Variants in CCDC102B observed in about 807,000 individuals in gnomAD.
CCDC102B encodes the protein coiled-coil domain containing 102B.
In CCDC102B, 75 loss-of-function variants were observed where a neutral mutation model predicts 57.4. That is an observed-to-expected ratio of 1.31 (90% confidence interval 1.08 to 1.58). CCDC102B has a LOEUF of 1.58. CCDC102B is among the 40% of genes most tolerant of loss of function. CCDC102B has a pLI of 0.00. For missense variants in CCDC102B, 636 were observed against 582.6 expected, an observed-to-expected ratio of 1.09 and a Z score of -0.94; for synonymous variants, 206 against 201.9, an observed-to-expected ratio of 1.02 and a Z score of -0.17.
At chr18:68,861,561 A>C (rs2038759404) in intron 4 of CCDC102B, among the ~76,000 whole-genome samples, 1 of 152,232 alleles carries the variant, frequency 6.6e-6, no homozygotes, top group Non-Finnish European at 1.5e-5. Flanking sequence ...GTACTGAGAA[A>C]GAACCATTTG....
chr18:68,916,154 G>A (rs887544152), intron 6 of CCDC102B, among the ~76,000 whole-genome samples: 1 of 151,770 alleles, frequency 6.6e-6, no homozygotes, highest in East Asian at 2.0e-4. Flanking sequence ...AGAATAAATA[G>A]ATAGATAGAT....
chr18:68,727,656 T>C (rs1260494933), intron 2 of CCDC102B, among the ~76,000 whole-genome samples: 1 of 152,210 alleles, frequency 6.6e-6, no homozygotes, highest in Non-Finnish European at 1.5e-5. Context: ...ACCAGTTGCC[T>C]CAAGGATACA....
At chr18:68,824,113 C>T (rs1285324905) in intron 1 of CCDC102B, among the ~76,000 whole-genome samples, 1 of 152,020 alleles carries the variant, frequency 6.6e-6, no homozygotes, top group African/African-American at 2.4e-5. Context: ...GAGACTCAGC[C>T]GAAAATTATT....
intron 5 of CCDC102B, among the ~76,000 whole-genome samples, chr18:68,890,240 T>TC (rs1441152796): frequency 6.6e-6 from 1 of 152,114 alleles, no homozygotes; most frequent in Non-Finnish European, 1.5e-5. Flanking sequence ...TTTTTCTGTT[T>TC]CTGTTTTGTT....
chr18:69,026,914 G>A (rs948128636), intron 7 of CCDC102B, among the ~76,000 whole-genome samples: 4 of 152,144 alleles, frequency 2.6e-5, no homozygotes, highest in Admixed American at 6.5e-5. Flanking sequence ...GCATGAGCAC[G>A]GGGAAAGGTC....
intron 7 of CCDC102B, among the ~76,000 whole-genome samples, chr18:69,016,786 A>G (rs1434699361): frequency 1.3e-5 from 2 of 152,190 alleles, no homozygotes; most frequent in Admixed American, 1.3e-4. Flanking sequence ...TAACTCTGCC[A>G]TAACTTATTT....
chr18:68,759,438 T>C (rs2034178126), intron 2 of CCDC102B, among the ~76,000 whole-genome samples: 1 of 152,036 alleles, frequency 6.6e-6, no homozygotes, highest in African/African-American at 2.4e-5. Context: ...TAACAGCATC[T>C]AGTGGTCAAA....
At chr18:68,852,726 A>T (rs1599567308) in intron 4 of CCDC102B, among the ~76,000 whole-genome samples, 1 of 152,264 alleles carries the variant, frequency 6.6e-6, no homozygotes, top group East Asian at 1.9e-4. Flanking sequence ...ATTGACTTAA[A>T]ATATTTTTAT....
At chr18:68,998,428 A>T (rs933976106) in intron 6 of CCDC102B, among the ~76,000 whole-genome samples, 3 of 34,048 alleles carry the variant, frequency 8.8e-5, no homozygotes, top group Non-Finnish European at 7.9e-4. Flanking sequence ...TATATATATA[A>T]TATATTATAT....
chr18:68,716,312 A>C (rs1269926147), intron 1 of CCDC102B, among the ~76,000 whole-genome samples: 4 of 150,940 alleles, frequency 2.7e-5, no homozygotes, highest in Non-Finnish European at 5.9e-5. Context: ...ATTCTCATGT[A>C]TTTCAAAGTT....
At chr18:68,820,626 T>C (rs1048743430) in intron 1 of CCDC102B, among the ~76,000 whole-genome samples, 1 of 152,192 alleles carries the variant, frequency 6.6e-6, no homozygotes, top group African/African-American at 2.4e-5. Context: ...TAAGAAAATT[T>C]CTTCTTTTTG....
intron 7 of CCDC102B, among the ~76,000 whole-genome samples, chr18:69,029,273 A>T (rs1461510992): frequency 6.6e-6 from 1 of 152,192 alleles, no homozygotes; most frequent in African/African-American, 2.4e-5. Context: ...TCAACAGGTC[A>T]AATGTGTCAG....
intron 6 of CCDC102B, among the ~76,000 whole-genome samples, chr18:68,993,954 T>C (rs1025740934): frequency 3.9e-5 from 6 of 152,164 alleles, no homozygotes; most frequent in African/African-American, 1.4e-4. Flanking sequence ...ATATTTTATA[T>C]CTATATAAAT....
chr18:68,745,459 A>AAT (rs2033578221), intron 2 of CCDC102B, among the ~76,000 whole-genome samples: 1 of 151,830 alleles, frequency 6.6e-6, no homozygotes, highest in Non-Finnish European at 1.5e-5. Flanking sequence ...TAAAAAATTA[A>AAT]TTTTTTTAAT....
intron 2 of CCDC102B, among the ~76,000 whole-genome samples, chr18:68,723,325 C>T (rs1209889155): frequency 6.6e-6 from 1 of 152,118 alleles, no homozygotes; most frequent in Non-Finnish European, 1.5e-5. Flanking sequence ...CCTTGCCCCT[C>T]CCAAATCTCA....
At chr18:68,939,584 GT>G (rs1256531912) in intron 6 of CCDC102B, among the ~76,000 whole-genome samples, 1 of 151,658 alleles carries the variant, frequency 6.6e-6, no homozygotes, top group African/African-American at 2.4e-5. Context: ...TATTCTTCCT[GT>G]TATTGGAAAG....
At chr18:68,976,071 A>AT (rs1436410901) in intron 6 of CCDC102B, among the ~76,000 whole-genome samples, 1 of 151,942 alleles carries the variant, frequency 6.6e-6, no homozygotes, top group African/African-American at 2.4e-5. Flanking sequence ...GTTAAATAAT[A>AT]TTTTTTTCTT....
intron 4 of CCDC102B, among the ~76,000 whole-genome samples, 159 bp from the exon 5 acceptor site, chr18:68,874,510 A>C (rs1229254526): frequency 1.3e-5 from 2 of 152,096 alleles, no homozygotes; most frequent in East Asian, 3.9e-4. Context: ...AACAATAAAC[A>C]GTTCAACCAC....
intron 2 of CCDC102B, among the ~76,000 whole-genome samples, chr18:68,755,916 A>G (rs1284114435): frequency 6.6e-6 from 1 of 151,688 alleles, no homozygotes; most frequent in Admixed American, 6.6e-5. Flanking sequence ...GAAACATTTC[A>G]CATACTGTTC....
Sources: gnomAD v4.1 joint callset for allele counts (sites outside exome capture counted in the v4.1 genomes callset) on GRCh38, gnomAD v4.1.1 for gene constraint, MANE v1.5 for transcripts, NCBI Gene and HGNC (gene_info 2026-07-23, HGNC 2026-07-21) for gene names.